STXBP5L: variants seen among roughly 807,000 people sequenced by gnomAD.
STXBP5L encodes syntaxin-binding protein 5-like.
Under a neutral mutation model 144.5 loss-of-function variants are expected in STXBP5L, and 65 were observed. The observed-to-expected ratio is 0.45, with a 90% CI of 0.37 to 0.55. The LOEUF (loss-of-function observed/expected upper bound fraction) is 0.55, where lower values mean the gene tolerates loss of function less well. Ranked by LOEUF, STXBP5L falls within the 20% of genes least tolerant of loss-of-function variation. STXBP5L has a pLI of 0.00. For synonymous variants in STXBP5L, 505 were observed against 469.6 expected, an observed-to-expected ratio of 1.08 and a Z score of -0.97; for missense variants, 1,298 against 1,405.5, an observed-to-expected ratio of 0.92 and a Z score of 1.22.
At chr3:121,054,232 C>T (rs1234689039) in intron 5 of STXBP5L, among the ~76,000 whole-genome samples, 1 of 152,102 alleles carries the variant, frequency 6.6e-6, no homozygotes, top group Non-Finnish European at 1.5e-5. Context: ...CCAGCCATCC[C>T]ATTACTGGGT....
At chr3:121,120,887 T>C (rs1217678893) in intron 6 of STXBP5L, among the ~76,000 whole-genome samples, 3 of 151,168 alleles carry the variant, frequency 2.0e-5, no homozygotes, top group Non-Finnish European at 3.0e-5. Context: ...ACCCTTGTTA[T>C]ATCAGATCAG....
intron 5 of STXBP5L, among the ~76,000 whole-genome samples, chr3:121,087,328 C>T (rs2042547284): frequency 6.6e-6 from 1 of 151,944 alleles, no homozygotes; most frequent in African/African-American, 2.4e-5. Flanking sequence ...CCTTTCAGTT[C>T]TGTCATGTTT....
At chr3:121,229,162 C>T (rs1054160946) in intron 11 of STXBP5L, among the ~76,000 whole-genome samples, 1 of 152,120 alleles carries the variant, frequency 6.6e-6, no homozygotes, top group Non-Finnish European at 1.5e-5. Flanking sequence ...CCAGTTATAT[C>T]GCTCTAGGAA....
At chr3:121,183,076 C>A (rs1041454286) in intron 9 of STXBP5L, among the ~76,000 whole-genome samples, 4 of 152,044 alleles carry the variant, frequency 2.6e-5, no homozygotes, top group African/African-American at 9.7e-5. Context: ...GGAAAAAGTA[C>A]TTGACAAAAT....
At chr3:121,345,000 A>C (rs1011916987) in intron 20 of STXBP5L, among the ~76,000 whole-genome samples, 1 of 151,344 alleles carries the variant, frequency 6.6e-6, no homozygotes, top group African/African-American at 2.4e-5. Flanking sequence ...TAAAAAAAGT[A>C]AGTACAGAAA....
intron 14 of STXBP5L, among the ~76,000 whole-genome samples, chr3:121,245,799 T>C (rs2049830750): frequency 6.6e-6 from 1 of 152,028 alleles, no homozygotes; most frequent in African/African-American, 2.4e-5. Flanking sequence ...AAGCAAACAT[T>C]GACAAAATTG....
intron 3 of STXBP5L, among the ~76,000 whole-genome samples, chr3:120,970,445 T>A (rs1258299106): frequency 6.6e-6 from 1 of 152,176 alleles, no homozygotes; most frequent in African/African-American, 2.4e-5. Context: ...TTTTGCTGGG[T>A]ACAGTATTTT....
rs77181182 is a variant in STXBP5L, at chr3:121,254,971, A to T, written c.1518A>T (p.Thr506=). ...EKQKVGEGKQ[T]CEIVEEDPFA... is the part of the protein sequence containing the mutation. Reference sequence around the variant, plus strand: ...AGAAGGTAGGAGAAGGAAAACAAACATGTGAAATTGTAGAGGAAGACCCAT... The same window carrying T: ...AGAAGGTAGGAGAAGGAAAACAAACTTGTGAAATTGTAGAGGAAGACCCAT... Residue 506 remains threonine (T), a synonymous_variant, in exon 16 of 27, where the codon ACA becomes ACT. Transcript: ENST00000471454. The T allele has an allele frequency of 8.9e-4, 1,442 of 1,613,634 alleles. 17 individuals carry two copies. The East Asian group carries it at 0.028, about 31-fold the overall frequency.
intron 20 of STXBP5L, among the ~76,000 whole-genome samples, chr3:121,328,878 G>A (rs2044235602): frequency 6.6e-6 from 1 of 151,874 alleles, no homozygotes; most frequent in Non-Finnish European, 1.5e-5. Context: ...TCCTAATAGG[G>A]GCACTACTGT....
chr3:121,196,242 C>T (rs2047914486), intron 9 of STXBP5L, among the ~76,000 whole-genome samples: 1 of 151,960 alleles, frequency 6.6e-6, no homozygotes, highest in Non-Finnish European at 1.5e-5. Flanking sequence ...TCACCGCAAC[C>T]TCTGCCTCCC....
intron 9 of STXBP5L, among the ~76,000 whole-genome samples, chr3:121,183,936 C>A (rs1032554322): frequency 7.9e-5 from 12 of 151,992 alleles, no homozygotes; most frequent in African/African-American, 2.9e-4. Flanking sequence ...CTGGAATGGA[C>A]CTCCAGCAAA....
intron 14 of STXBP5L, among the ~76,000 whole-genome samples, chr3:121,240,776 A>T (rs966491550): frequency 6.6e-6 from 1 of 152,192 alleles, no homozygotes; most frequent in Admixed American, 6.5e-5. Flanking sequence ...CATGGAAATC[A>T]CAGAATATTA....
At chr3:120,977,973 T>G (rs1941279775) in intron 3 of STXBP5L, among the ~76,000 whole-genome samples, 1 of 152,236 alleles carries the variant, frequency 6.6e-6, no homozygotes, top group African/African-American at 2.4e-5. Flanking sequence ...TGGCTGCCCT[T>G]AACATTTTTT....
chr3:121,305,541 G>T (rs2043307740), intron 19 of STXBP5L, among the ~76,000 whole-genome samples: 1 of 152,056 alleles, frequency 6.6e-6, no homozygotes, highest in Non-Finnish European at 1.5e-5. Flanking sequence ...ATTAACATAA[G>T]AAAGGAGAAA....
chr3:121,253,453 A>G (rs2050092282), intron 15 of STXBP5L, among the ~76,000 whole-genome samples: 1 of 151,822 alleles, frequency 6.6e-6, no homozygotes, highest in Admixed American at 6.6e-5. Flanking sequence ...ATACCCCTAA[A>G]TACTTCAGTG....
chr3:121,317,642 TAACA>T (rs994174955), intron 19 of STXBP5L, among the ~76,000 whole-genome samples: 28 of 152,280 alleles, frequency 1.8e-4, no homozygotes, highest in African/African-American at 6.0e-4. Flanking sequence ...TGAGACTTTC[TAACA>T]AAGATAGAAA....
chr3:121,037,304 G>C (rs1173506161), intron 3 of STXBP5L, among the ~76,000 whole-genome samples: 2 of 151,236 alleles, frequency 1.3e-5, no homozygotes, highest in Non-Finnish European at 2.9e-5. Context: ...TGGGAGTGCA[G>C]AGGTGTGATT....
At chr3:121,294,723 GGAA>G (rs1233867901) in intron 19 of STXBP5L, among the ~76,000 whole-genome samples, 2 of 151,954 alleles carry the variant, frequency 1.3e-5, no homozygotes, top group African/African-American at 4.8e-5. Context: ...TTTAATTTCA[GGAA>G]GAAGAGGAGT....
At chr3:121,028,004 A>G (rs1486407869) in intron 3 of STXBP5L, among the ~76,000 whole-genome samples, 1 of 152,068 alleles carries the variant, frequency 6.6e-6, no homozygotes, top group Admixed American at 6.6e-5. Flanking sequence ...GGTGATATGC[A>G]ATAGGGCCAG....
Sources: allele counts gnomAD v4.1 joint callset (sites outside exome capture counted in the v4.1 genomes callset), GRCh38; gene constraint gnomAD v4.1.1; transcripts MANE v1.5; gene names NCBI Gene and HGNC (gene_info 2026-07-23, HGNC 2026-07-21).